Variants in KCNK13 observed in about 807,000 individuals in gnomAD.
KCNK13 encodes the protein potassium channel subfamily K member 13.
In KCNK13, 12 loss-of-function variants were observed where a neutral mutation model predicts 23.4. That is an observed-to-expected ratio of 0.51 (90% confidence interval 0.33 to 0.83). The LOEUF (loss-of-function observed/expected upper bound fraction) is 0.83. Ranked by LOEUF, KCNK13 falls within the 40% of genes least tolerant of loss-of-function variation. The pLI, the probability that KCNK13 is intolerant of heterozygous loss-of-function variation, is 0.02. For missense variants in KCNK13, 463 were observed against 556.3 expected, an observed-to-expected ratio of 0.83 and a Z score of 1.69; for synonymous variants, 231 against 229.5, an observed-to-expected ratio of 1.01 and a Z score of -0.06.
chr14:90,125,456 C>A (rs898337630), intron 1 of KCNK13, among the ~76,000 whole-genome samples: 1 of 151,998 alleles, frequency 6.6e-6, no homozygotes, highest in Non-Finnish European at 1.5e-5. Context: ...ATCTTCTGAC[C>A]TCGTGAATTG....
intron 1 of KCNK13, among the ~76,000 whole-genome samples, chr14:90,166,536 T>C (rs1890304969): frequency 6.6e-6 from 1 of 151,938 alleles, no homozygotes. Flanking sequence ...AGAAACCCCA[T>C]CTCTACTAAA....
intron 1 of KCNK13, among the ~76,000 whole-genome samples, chr14:90,158,665 G>A (rs1476425838): frequency 6.6e-6 from 1 of 152,222 alleles, no homozygotes; most frequent in African/African-American, 2.4e-5. Flanking sequence ...GTGGGGTAGA[G>A]GAGGGAGAAG....
At chr14:90,108,151 C>T (rs894436375) in intron 1 of KCNK13, among the ~76,000 whole-genome samples, 6 of 152,160 alleles carry the variant, frequency 3.9e-5, no homozygotes, top group South Asian at 2.1e-4. Context: ...CTCTTGACCA[C>T]GGGGCCAAGA....
intron 1 of KCNK13, among the ~76,000 whole-genome samples, chr14:90,081,398 G>A (rs554456473): frequency 8.5e-5 from 13 of 152,158 alleles, no homozygotes; most frequent in Admixed American, 6.5e-4. Context: ...CCTACTCTCC[G>A]GAAATAACCA....
Position 90,072,543 on chromosome 14 carries a change from A to G in KCNK13, c.334+10004A>G, listed in dbSNP as rs555373011. 1.2e-4 allele frequency among the ~76,000 whole-genome samples: 18 copies of G among 152,264 alleles called. No homozygotes were observed. In the East Asian group the frequency reaches 3.5e-3, roughly 29 times the overall value. ...GGCTTCCTTATCTTTGGGAGGGAGG[A>G]CAGGGAGCGCATAGCATCGCTCTTG... On this transcript the variant is annotated intron_variant, in intron 1 of 1. Transcript: ENST00000282146.
chr14:90,073,693 C>G (rs1224679244), intron 1 of KCNK13, among the ~76,000 whole-genome samples: 1 of 152,148 alleles, frequency 6.6e-6, no homozygotes, highest in Non-Finnish European at 1.5e-5. Context: ...TTTCTGGAGA[C>G]AGAGTCTCAC....
At chr14:90,112,464 A>C (rs1338069899) in intron 1 of KCNK13, among the ~76,000 whole-genome samples, 1 of 152,230 alleles carries the variant, frequency 6.6e-6, no homozygotes, top group African/African-American at 2.4e-5. Context: ...GCTCAACTAA[A>C]AACAATGCAA....
chr14:90,131,929 G>T (rs1247563571), intron 1 of KCNK13, among the ~76,000 whole-genome samples: 1 of 152,064 alleles, frequency 6.6e-6, no homozygotes, highest in African/African-American at 2.4e-5. Context: ...CCCACTTCTG[G>T]GTATACCCCA....
At chr14:90,132,134 A>G (rs905227516) in intron 1 of KCNK13, among the ~76,000 whole-genome samples, 1 of 152,278 alleles carries the variant, frequency 6.6e-6, no homozygotes, top group Non-Finnish European at 1.5e-5. Context: ...TGCCATCAAC[A>G]TTGAATGAAC....
At chr14:90,141,362 C>A (rs898979180) in intron 1 of KCNK13, among the ~76,000 whole-genome samples, 4 of 152,214 alleles carry the variant, frequency 2.6e-5, no homozygotes, top group Non-Finnish European at 4.4e-5. Flanking sequence ...CAAATGCATA[C>A]AAATACATGC....
chr14:90,079,248 C>A (rs1048634926), intron 1 of KCNK13, among the ~76,000 whole-genome samples: 6 of 152,132 alleles, frequency 3.9e-5, no homozygotes, highest in Non-Finnish European at 8.8e-5. Flanking sequence ...CTCTAAGAAA[C>A]AGACTCTGGG....
rs115972236 is a variant in KCNK13 at position 90,142,107 on chromosome 14, C to T, written c.335-42004C>T. ...CAGCCTTATGCCCTCTTGTAGCTCA[C>T]CCCTCCCTTCCCTGTCCCCAGGTAA... On this transcript the variant is annotated intron_variant, in intron 1 of 1. Transcript: ENST00000282146. Among the ~76,000 whole-genome samples, 891 of 151,430 alleles carry T rather than the reference C, an allele frequency of 5.9e-3. 11 individuals are homozygous for T. Among genetic ancestry groups the T allele is most frequent in the African/African-American group, 0.021 (847 of 41,272 alleles).
intron 1 of KCNK13, among the ~76,000 whole-genome samples, chr14:90,128,087 C>T (rs1189125233): frequency 6.6e-6 from 1 of 152,112 alleles, no homozygotes. Context: ...TTAAATCAGT[C>T]TGCCCATGGA....
At chr14:90,087,293 C>T (rs1889292730) in intron 1 of KCNK13, among the ~76,000 whole-genome samples, 2 of 151,496 alleles carry the variant, frequency 1.3e-5, no homozygotes, top group African/African-American at 2.4e-5. Flanking sequence ...GCCATTATTT[C>T]GTGGTTTAAT....
chr14:90,149,031 A>C (rs1396984438), intron 1 of KCNK13, among the ~76,000 whole-genome samples: 1 of 152,228 alleles, frequency 6.6e-6, no homozygotes, highest in East Asian at 1.9e-4. Flanking sequence ...TACTGCTATG[A>C]AGAAATACCT....
intron 1 of KCNK13, among the ~76,000 whole-genome samples, chr14:90,101,827 G>A (rs975932103): frequency 6.4e-5 from 7 of 109,172 alleles, no homozygotes; most frequent in Non-Finnish European, 1.4e-4. Flanking sequence ...ACAAGTCACC[G>A]CTAAAGAACT....
chr14:90,145,603 A>G (rs1890063481), intron 1 of KCNK13, among the ~76,000 whole-genome samples: 1 of 152,132 alleles, frequency 6.6e-6, no homozygotes, highest in Non-Finnish European at 1.5e-5. Flanking sequence ...AATGAATTGG[A>G]AAGCACTTCC....
At chr14:90,099,144 A>G (rs1889446350) in intron 1 of KCNK13, among the ~76,000 whole-genome samples, 1 of 152,106 alleles carries the variant, frequency 6.6e-6, no homozygotes, top group Non-Finnish European at 1.5e-5. Flanking sequence ...TTTTTGTGCG[A>G]TTCTTCCCAA....
chr14:90,079,234 G>A (rs1004040894), intron 1 of KCNK13, among the ~76,000 whole-genome samples: 1 of 152,158 alleles, frequency 6.6e-6, no homozygotes, highest in Admixed American at 6.5e-5. Context: ...TCTTTGGGCA[G>A]TTTCTCTAAG....
Sources: gnomAD v4.1 joint callset for allele counts (sites outside exome capture counted in the v4.1 genomes callset) on GRCh38, gnomAD v4.1.1 for gene constraint, MANE v1.5 for transcripts, NCBI Gene and HGNC (gene_info 2026-07-23, HGNC 2026-07-21) for gene names.